TENM2: variants seen among roughly 807,000 people sequenced by gnomAD.
TENM2 encodes the protein teneurin transmembrane protein 2.
TENM2 carries 52 observed loss-of-function variants against 245.2 expected under a neutral mutation model. That is an observed-to-expected ratio of 0.21 (90% CI 0.17 to 0.27). The LOEUF is 0.27. Among genes scored for constraint, TENM2 ranks in the 10% least tolerant of loss-of-function variants. TENM2 has a pLI of 1.00. For missense variants in TENM2, 3,046 were observed against 3,666.8 expected (o/e 0.83, Z 4.37); for synonymous variants, 1,363 against 1,438.9 (o/e 0.95, Z 1.19).
chr5:167,157,456 A>T, the TENM2 span, among the ~76,000 whole-genome samples: 1 of 152,346 alleles, frequency 6.6e-6, no homozygotes, highest in South Asian at 2.1e-4. Flanking sequence ...AGGGGTATGG[A>T]AAGAATTTGT....
At chr5:167,652,913 A>C (rs544428371) in intron 2 of TENM2, among the ~76,000 whole-genome samples, 2 of 152,318 alleles carry the variant, frequency 1.3e-5, no homozygotes, top group South Asian at 4.2e-4. Flanking sequence ...TGGGCTCCCA[A>C]CATTAGCTAT....
intron 2 of TENM2, among the ~76,000 whole-genome samples, chr5:167,617,173 A>C (rs1777845934): frequency 6.6e-6 from 1 of 152,080 alleles, no homozygotes; most frequent in Non-Finnish European, 1.5e-5. Flanking sequence ...TTGAGATGTA[A>C]CTTTTTAATG....
intron 2 of TENM2, among the ~76,000 whole-genome samples, chr5:167,462,317 G>A (rs957884600): frequency 1.2e-4 from 18 of 151,998 alleles, no homozygotes; most frequent in Admixed American, 2.6e-4. Flanking sequence ...TTTGGGCTCT[G>A]GCCCCATGGT....
chr5:167,362,533 A>G (rs1245324748), intron 1 of TENM2, among the ~76,000 whole-genome samples: 2 of 152,188 alleles, frequency 1.3e-5, no homozygotes, highest in African/African-American at 4.8e-5. Flanking sequence ...GAGATCTAGA[A>G]TAATTCTTCT....
intron 2 of TENM2, among the ~76,000 whole-genome samples, chr5:167,490,754 T>A (rs977172705): frequency 2.0e-5 from 3 of 152,184 alleles, no homozygotes; most frequent in Non-Finnish European, 4.4e-5. Context: ...ATTAATTAAA[T>A]TCAAGTTATT....
the TENM2 span, among the ~76,000 whole-genome samples, chr5:167,200,416 T>G: frequency 1.3e-5 from 2 of 151,964 alleles, no homozygotes; most frequent in Admixed American, 6.6e-5. Flanking sequence ...GTGGTCTCTC[T>G]GTCTCTCTGC....
the TENM2 span, among the ~76,000 whole-genome samples, chr5:166,998,266 G>A: frequency 6.6e-6 from 1 of 152,118 alleles, no homozygotes; most frequent in Non-Finnish European, 1.5e-5. Flanking sequence ...GAGGTGGTGA[G>A]TGATCCAATC....
chr5:167,641,707 GC>G (rs1306775777), intron 2 of TENM2, among the ~76,000 whole-genome samples: 3 of 152,136 alleles, frequency 2.0e-5, no homozygotes, highest in African/African-American at 7.2e-5. Flanking sequence ...CTGAACCTGG[GC>G]TAGTTAGTTA....
At chr5:167,431,680 G>A (rs1046257962) in intron 2 of TENM2, among the ~76,000 whole-genome samples, 4 of 151,472 alleles carry the variant, frequency 2.6e-5, no homozygotes, top group South Asian at 2.1e-4. Context: ...GACATTTATC[G>A]ATTTATATAT....
At chr5:166,989,150 A>G in the TENM2 span, among the ~76,000 whole-genome samples, 4 of 150,874 alleles carry the variant, frequency 2.7e-5, no homozygotes, top group African/African-American at 9.8e-5. Flanking sequence ...ATTCACTGCA[A>G]CCTCCACCTC....
chr5:167,669,184 T>C (rs1755768526), intron 2 of TENM2, among the ~76,000 whole-genome samples: 2 of 152,238 alleles, frequency 1.3e-5, no homozygotes, highest in African/African-American at 4.8e-5. Context: ...TTGAATGTGC[T>C]GCTTTATACA....
At chr5:167,807,268 A>T (rs1766275853) in intron 2 of TENM2, among the ~76,000 whole-genome samples, 1 of 151,454 alleles carries the variant, frequency 6.6e-6, no homozygotes, top group Non-Finnish European at 1.5e-5. Context: ...TTTACTACAC[A>T]CTTCCCCAGT....
At chr5:167,847,795 C>T (rs1770184658) in intron 2 of TENM2, among the ~76,000 whole-genome samples, 1 of 152,146 alleles carries the variant, frequency 6.6e-6, no homozygotes, top group Non-Finnish European at 1.5e-5. Context: ...TTTATTTGGG[C>T]CAAACATATT....
intron 2 of TENM2, among the ~76,000 whole-genome samples, chr5:167,707,114 G>T (rs1280294253): frequency 6.6e-6 from 1 of 151,554 alleles, no homozygotes; most frequent in African/African-American, 2.4e-5. Context: ...CTAACACATG[G>T]TAGGTGATAT....
intron 13 of TENM2, among the ~76,000 whole-genome samples, chr5:168,176,397 G>A (rs9313398): frequency 0.74 from 113,012 of 152,096 alleles, 42,959 homozygotes; most frequent in African/African-American, 0.91. Context: ...ACAACTCACA[G>A]ATACACTTTC....
chr5:167,382,373 G>C (rs1761142579), intron 2 of TENM2, among the ~76,000 whole-genome samples: 2 of 152,184 alleles, frequency 1.3e-5, no homozygotes, highest in African/African-American at 4.8e-5. Flanking sequence ...AGTATGCCAA[G>C]AGAGAAAGAC....
the TENM2 span, among the ~76,000 whole-genome samples, chr5:167,039,405 C>T: frequency 2.0e-5 from 3 of 152,114 alleles, no homozygotes; most frequent in African/African-American, 7.2e-5. Context: ...AGGGTGTCCT[C>T]GAAGGCGCAC....
At chr5:167,103,625 A>G in the TENM2 span, among the ~76,000 whole-genome samples, 4,022 of 152,294 alleles carry the variant, frequency 0.026, 184 homozygotes, top group African/African-American at 0.091. Context: ...GGAGCACCCC[A>G]GCAGACTTCT....
chr5:167,002,019 A>G, the TENM2 span, among the ~76,000 whole-genome samples: 2 of 152,152 alleles, frequency 1.3e-5, no homozygotes, highest in African/African-American at 2.4e-5. Context: ...ATTATTCACC[A>G]TAATATTTTA....
Sources: allele counts gnomAD v4.1 joint callset (sites outside exome capture counted in the v4.1 genomes callset), GRCh38; gene constraint gnomAD v4.1.1; transcripts MANE v1.5; gene names NCBI Gene and HGNC (gene_info 2026-07-23, HGNC 2026-07-21).